The following DOK6 variants were observed in gnomAD, a reference collection of about 807,000 sequenced individuals.
The protein encoded by DOK6 is docking protein 6, also known as downstream of tyrosine kinase 6.
A neutral mutation model predicts 44.0 loss-of-function variants in DOK6; 22 were observed. The observed-to-expected ratio is 0.50, with a 90% CI of 0.36 to 0.71. DOK6 has a LOEUF of 0.71. Ranked by LOEUF, DOK6 falls within the 30% of genes least tolerant of loss-of-function variation. The probability of loss-of-function intolerance (pLI) is 0.00; values close to 1 mark genes in which losing one functional copy is unlikely to be tolerated. For synonymous variants in DOK6, 166 were observed against 145.5 expected (o/e 1.14, Z -1.01); for missense variants, 340 against 416.4 (o/e 0.82, Z 1.60).
chr18:69,764,405 T>C (rs1341161470), intron 7 of DOK6, among the ~76,000 whole-genome samples: 1 of 152,138 alleles, frequency 6.6e-6, no homozygotes, highest in Non-Finnish European at 1.5e-5. Context: ...AATCCCCACA[T>C]GTTGGGGGAG....
intron 3 of DOK6, among the ~76,000 whole-genome samples, chr18:69,622,803 A>G (rs1184519065): frequency 3.9e-5 from 6 of 152,240 alleles, no homozygotes; most frequent in African/African-American, 1.4e-4. Context: ...TAAAACAATT[A>G]TTGATCCTCT....
chr18:69,785,308 C>T (rs541922356), intron 7 of DOK6, among the ~76,000 whole-genome samples: 5 of 152,136 alleles, frequency 3.3e-5, no homozygotes, highest in Admixed American at 6.6e-5. Flanking sequence ...TTTGCAATTA[C>T]GCATTTGGTT....
rs768817575 is a variant in DOK6 at position 69,599,453 on chromosome 18, A to G, written c.244A>G (p.Ile82Val). The change falls in exon 3 of 8, where the codon ATC (isoleucine) becomes GTC (valine). Residue 82 changes from isoleucine (I) to valine (V), a missense_variant. Ile to Val is a conservative substitution (Grantham distance 29, BLOSUM62 3). This residue lies in a region of DOK6 where 206 missense variants were observed against 258.6 expected (regional missense o/e 0.80). Transcript: ENST00000382713. ...AGAGACAAAGAAGCATGCGGTGGCA[A>G]TCATCTTTCACGATGAAACATCGAA... Reference protein sequence around the residue: ...PRETKKHAVAIIFHDETSKTF... With the variant: ...PRETKKHAVAVIFHDETSKTF... 1.2e-6 allele frequency: 2 copies of G among 1,614,078 alleles called. No individual in the cohort carries two copies. The highest frequency in any genetic ancestry group is 1.7e-5 in the Admixed American group (1 of 60,010).
chr18:69,581,738 T>G (rs1276978609), intron 2 of DOK6, among the ~76,000 whole-genome samples: 1 of 152,192 alleles, frequency 6.6e-6, no homozygotes, highest in Non-Finnish European at 1.5e-5. Context: ...TTTCTATACT[T>G]CCTACAGATA....
At chr18:69,627,140 C>G (rs546792666) in intron 3 of DOK6, among the ~76,000 whole-genome samples, 6 of 152,160 alleles carry the variant, frequency 3.9e-5, no homozygotes, top group Non-Finnish European at 8.8e-5. Context: ...TTGTAGTACC[C>G]TGTTTAATCC....
At chr18:69,536,968 A>G (rs1982138114) in intron 1 of DOK6, among the ~76,000 whole-genome samples, 1 of 132,714 alleles carries the variant, frequency 7.5e-6, no homozygotes, top group African/African-American at 2.6e-5. Context: ...CATACACGAC[A>G]GAAGATTTAT....
chr18:69,712,053 G>A (rs993553155), intron 5 of DOK6, among the ~76,000 whole-genome samples: 11 of 150,404 alleles, frequency 7.3e-5, no homozygotes, highest in Non-Finnish European at 1.3e-4. Context: ...AGGCCGAGGC[G>A]GGCGGATCAC....
At chr18:69,457,070 G>A (rs1235334972) in intron 1 of DOK6, among the ~76,000 whole-genome samples, 1 of 152,136 alleles carries the variant, frequency 6.6e-6, no homozygotes, top group Non-Finnish European at 1.5e-5. Context: ...TGCATAGTGT[G>A]TGAATAATTT....
intron 1 of DOK6, among the ~76,000 whole-genome samples, chr18:69,548,063 C>T (rs1982455740): frequency 6.6e-6 from 1 of 150,586 alleles, no homozygotes; most frequent in African/African-American, 2.4e-5. Context: ...ACTCCATTCT[C>T]CTGCCTCAGC....
chr18:69,449,232 T>G lies in DOK6; in HGVS notation c.66+47922T>G, dbSNP rs539695592. Among the ~76,000 whole-genome samples the G allele has an allele frequency of 2.0e-5, 3 of 152,344 alleles. No individual in the cohort carries two copies. In the East Asian group the frequency reaches 5.8e-4, roughly 29 times the overall value. ...AGTCTACTTTTGGTATAATACTATA[T>G]GAACAGTAGTTTCCATTATCACTTA... is the stretch of plus-strand genomic sequence containing the variant. On this transcript the variant is annotated intron_variant, in intron 1 of 7. Transcript: ENST00000382713.
intron 7 of DOK6, among the ~76,000 whole-genome samples, chr18:69,809,565 G>C (rs62090526): frequency 2.7e-5 from 4 of 146,106 alleles, no homozygotes; most frequent in African/African-American, 1.0e-4. Context: ...CACACACACA[G>C]ACACACACAC....
intron 7 of DOK6, among the ~76,000 whole-genome samples, chr18:69,808,672 C>T: frequency 6.6e-6 from 1 of 151,774 alleles, no homozygotes; most frequent in Admixed American, 6.6e-5. Context: ...TATACACCAA[C>T]AAATTGGATA....
intron 3 of DOK6, among the ~76,000 whole-genome samples, chr18:69,654,045 A>C (rs1985300657): frequency 6.6e-6 from 1 of 152,224 alleles, no homozygotes; most frequent in Admixed American, 6.5e-5. Context: ...TGAATCAAAC[A>C]AAAATTCTGA....
At chr18:69,712,736 A>G (rs1419630991) in intron 5 of DOK6, among the ~76,000 whole-genome samples, 1 of 152,094 alleles carries the variant, frequency 6.6e-6, no homozygotes, top group Non-Finnish European at 1.5e-5. Context: ...AGTCCCAGCT[A>G]CTCAGGAGGC....
intron 1 of DOK6, among the ~76,000 whole-genome samples, chr18:69,486,173 G>A (rs1980573061): frequency 2.6e-5 from 4 of 151,412 alleles, no homozygotes; most frequent in Admixed American, 2.6e-4. Context: ...TTCTTCTTTT[G>A]CAGAGTATAG....
intron 7 of DOK6, among the ~76,000 whole-genome samples, chr18:69,778,130 AAGAAATTCAGTC>A (rs1980137700): frequency 6.6e-6 from 1 of 152,294 alleles, no homozygotes; most frequent in Admixed American, 6.5e-5. Context: ...GTAACAAAGA[AAGAAATTCAGTC>A]AGAGAGACGG....
At chr18:69,589,010 A>G (rs1038358907) in intron 2 of DOK6, among the ~76,000 whole-genome samples, 3 of 152,014 alleles carry the variant, frequency 2.0e-5, no homozygotes, top group Non-Finnish European at 4.4e-5. Context: ...CTTTTTTTGT[A>G]CACATTCATT....
At chr18:69,421,540 T>C (rs1407354954) in intron 1 of DOK6, among the ~76,000 whole-genome samples, 1 of 152,164 alleles carries the variant, frequency 6.6e-6, no homozygotes, top group Non-Finnish European at 1.5e-5. Flanking sequence ...AGGTGCATGG[T>C]AAGCCCTATA....
At chr18:69,545,835 T>C (rs1207036390) in intron 1 of DOK6, among the ~76,000 whole-genome samples, 1 of 151,532 alleles carries the variant, frequency 6.6e-6, no homozygotes, top group Non-Finnish European at 1.5e-5. Context: ...ATTTTTAAGC[T>C]ACAAAGTTGG....
Sources: gnomAD v4.1 joint callset for allele counts (sites outside exome capture counted in the v4.1 genomes callset) on GRCh38, gnomAD v4.1.1 for gene constraint, gnomAD v4.1.1 regional missense constraint, MANE v1.5 for transcripts, NCBI Gene and HGNC (gene_info 2026-07-23, HGNC 2026-07-21) for gene names.